RIMS2: variants seen among roughly 807,000 people sequenced by gnomAD.
The protein encoded by RIMS2 is regulating synaptic membrane exocytosis protein 2.
Under a neutral mutation model 174.4 loss-of-function variants are expected in RIMS2, and 59 were observed. The observed-to-expected ratio is 0.34, with a 90% CI of 0.27 to 0.42. The LOEUF (loss-of-function observed/expected upper bound fraction) is 0.42, where lower values mean the gene tolerates loss of function less well. RIMS2 is among the 10% of genes least tolerant of loss of function. The pLI is 1.00. For synonymous variants in RIMS2, 606 were observed against 572.5 expected (o/e 1.06, Z -0.84); for missense variants, 1,620 against 1,666.3 (o/e 0.97, Z 0.48).
At chr8:103,762,019 A>T (rs1387181225) in intron 2 of RIMS2, among the ~76,000 whole-genome samples, 1 of 143,910 alleles carries the variant, frequency 6.9e-6, no homozygotes, top group Non-Finnish European at 1.5e-5. Context: ...ACCTAATGTA[A>T]ATTTTTTTTT....
At chr8:104,187,164 A>G (rs1488019389) in intron 19 of RIMS2, among the ~76,000 whole-genome samples, 1 of 151,774 alleles carries the variant, frequency 6.6e-6, no homozygotes, top group African/African-American at 2.4e-5. Context: ...AAGTCATTGT[A>G]TGGTTCTTGC....
chr8:104,229,808 G>A (rs1174132963), intron 19 of RIMS2, among the ~76,000 whole-genome samples: 1 of 152,032 alleles, frequency 6.6e-6, no homozygotes, highest in Non-Finnish European at 1.5e-5. Context: ...ACCCAGTTTG[G>A]TCCATCCCAA....
intron 3 of RIMS2, among the ~76,000 whole-genome samples, chr8:103,795,570 A>G (rs1321799519): frequency 6.6e-6 from 1 of 152,146 alleles, no homozygotes; most frequent in Non-Finnish European, 1.5e-5. Flanking sequence ...CCTAGAAATT[A>G]AAGTATAATA....
chr8:103,860,830 G>T (rs1476295188), intron 3 of RIMS2, among the ~76,000 whole-genome samples: 1 of 151,884 alleles, frequency 6.6e-6, no homozygotes, highest in Non-Finnish European at 1.5e-5. Flanking sequence ...CTTTGTGCCT[G>T]GGTTAGCAGC....
intron 2 of RIMS2, among the ~76,000 whole-genome samples, chr8:103,759,252 G>C (rs2098076792): frequency 6.6e-6 from 1 of 152,136 alleles, no homozygotes; most frequent in African/African-American, 2.4e-5. Context: ...GAATGAACTT[G>C]GCAGCGGATC....
At chr8:103,818,592 G>T (rs1236424404) in intron 3 of RIMS2, among the ~76,000 whole-genome samples, 1 of 152,058 alleles carries the variant, frequency 6.6e-6, no homozygotes, top group Non-Finnish European at 1.5e-5. Context: ...TGACTGTAGG[G>T]TTTTTCCCCC....
intron 1 of RIMS2, among the ~76,000 whole-genome samples, chr8:103,607,275 G>A (rs2095147911): frequency 6.6e-6 from 1 of 151,888 alleles, no homozygotes; most frequent in Non-Finnish European, 1.5e-5. Context: ...TAGTTTGGCT[G>A]GATATGAAAT....
chr8:103,929,764 T>G (rs1415959473), intron 11 of RIMS2, among the ~76,000 whole-genome samples: 2 of 151,998 alleles, frequency 1.3e-5, no homozygotes, highest in Non-Finnish European at 2.9e-5. Context: ...AGAAGAATAG[T>G]CTCTTTTTTG....
intron 3 of RIMS2, among the ~76,000 whole-genome samples, chr8:103,811,032 C>T (rs1466229526): frequency 6.6e-6 from 1 of 152,022 alleles, no homozygotes; most frequent in Non-Finnish European, 1.5e-5. Flanking sequence ...TACTAGATAG[C>T]AGAGGTGACT....
At chr8:103,940,883 A>G (rs2082381043) in intron 13 of RIMS2, among the ~76,000 whole-genome samples, 3 of 151,976 alleles carry the variant, frequency 2.0e-5, no homozygotes, top group Admixed American at 2.0e-4. Context: ...CTCAAAAAAA[A>G]AAAAAAAAAG....
intron 1 of RIMS2, among the ~76,000 whole-genome samples, chr8:103,590,307 G>T (rs571665102): frequency 6.6e-6 from 1 of 151,446 alleles, no homozygotes; most frequent in Non-Finnish European, 1.5e-5. Flanking sequence ...ATTCAGTAAA[G>T]CTTCAGGATA....
chr8:104,066,966 T>C (rs2097115539), intron 19 of RIMS2, among the ~76,000 whole-genome samples: 2 of 152,150 alleles, frequency 1.3e-5, no homozygotes, highest in Non-Finnish European at 1.5e-5. Flanking sequence ...AACTATCTAA[T>C]ATGCAATGAG....
intron 3 of RIMS2, among the ~76,000 whole-genome samples, chr8:103,829,748 A>G (rs1314748353): frequency 6.6e-6 from 1 of 150,594 alleles, no homozygotes; most frequent in Admixed American, 6.7e-5. Flanking sequence ...AAAACTACCT[A>G]TCAGGTACTA....
In RIMS2 at chr8:103,866,798, T is replaced by G. The variant is rs144418980; in HGVS notation, c.699-18500T>G. Among the ~76,000 whole-genome samples the G allele has an allele frequency of 6.3e-3, 953 of 152,232 alleles. 2 individuals carry two copies. The highest frequency in any genetic ancestry group is 9.1e-3 in the Non-Finnish European group (615 of 67,930). On this transcript the variant is annotated intron_variant, in intron 3 of 23. Transcript: ENST00000504942. ...TAGGAAGTATTTTGGCTTTTACTATTAATTACACAATCTTATAACCACATT... is the reference window on the plus strand; with the variant it reads ...TAGGAAGTATTTTGGCTTTTACTATGAATTACACAATCTTATAACCACATT...
intron 1 of RIMS2, among the ~76,000 whole-genome samples, chr8:103,629,890 T>C (rs2095870283): frequency 6.6e-6 from 1 of 151,992 alleles, no homozygotes; most frequent in East Asian, 1.9e-4. Flanking sequence ...ATGAACCATC[T>C]TGGATACTCT....
chr8:104,045,666 C>T (rs1003890991), intron 19 of RIMS2, among the ~76,000 whole-genome samples: 6 of 151,612 alleles, frequency 4.0e-5, no homozygotes, highest in Non-Finnish European at 7.4e-5. Context: ...TCACCAGTCT[C>T]TTAGATCAAT....
chr8:103,698,628 T>C (rs1031126086), intron 2 of RIMS2, among the ~76,000 whole-genome samples: 1 of 152,162 alleles, frequency 6.6e-6, no homozygotes, highest in Admixed American at 6.5e-5. Context: ...TATATATTAA[T>C]GGATTTGATT....
intron 19 of RIMS2, among the ~76,000 whole-genome samples, chr8:104,231,149 C>T (rs1476177689): frequency 6.6e-6 from 1 of 152,108 alleles, no homozygotes; most frequent in African/African-American, 2.4e-5. Flanking sequence ...CACGTGAGCT[C>T]ACCTTTGAAG....
intron 3 of RIMS2, among the ~76,000 whole-genome samples, chr8:103,827,106 G>T (rs182300962): frequency 2.0e-5 from 3 of 152,080 alleles, no homozygotes; most frequent in Non-Finnish European, 4.4e-5. Context: ...TCTTCCAGTG[G>T]TGTATCTCTT....
Sources: allele counts gnomAD v4.1 joint callset (sites outside exome capture counted in the v4.1 genomes callset), GRCh38; gene constraint gnomAD v4.1.1; transcripts MANE v1.5; gene names NCBI Gene and HGNC (gene_info 2026-07-23, HGNC 2026-07-21).